Variants in NAV3 observed in about 807,000 individuals in gnomAD.
The protein encoded by NAV3 is pore membrane and/or filament interacting like protein 1.
NAV3 carries 87 observed loss-of-function variants against 244.7 expected under a neutral mutation model. The observed-to-expected ratio is 0.36, with a 90% CI of 0.30 to 0.42. NAV3 has a LOEUF of 0.42. Ranked by LOEUF, NAV3 falls within the 20% of genes least tolerant of loss-of-function variation. The probability of loss-of-function intolerance (pLI) is 1.00; values close to 1 mark genes in which losing one functional copy is unlikely to be tolerated. For missense variants in NAV3, 2,663 were observed against 2,893.3 expected (o/e 0.92, Z 1.83); for synonymous variants, 1,126 against 1,042.2 (o/e 1.08, Z -1.55).
At chr12:78,111,811 TG>T (rs1955106582) in intron 12 of NAV3, among the ~76,000 whole-genome samples, 1 of 152,204 alleles carries the variant, frequency 6.6e-6, no homozygotes, top group Admixed American at 6.5e-5. Flanking sequence ...CTTTAGACAG[TG>T]GTCATCAAAG....
chr12:77,873,549 C>CT (rs1403200890), intron 1 of NAV3, among the ~76,000 whole-genome samples: 2 of 150,410 alleles, frequency 1.3e-5, no homozygotes, highest in Admixed American at 1.3e-4. Context: ...TTATATGTAA[C>CT]TTTTTTTGCA....
At chr12:77,963,814 G>A (rs1305437981) in intron 3 of NAV3, among the ~76,000 whole-genome samples, 1 of 151,824 alleles carries the variant, frequency 6.6e-6, no homozygotes, top group East Asian at 1.9e-4. Context: ...ATCATTTGTT[G>A]TTGTTGTTCT....
intron 2 of NAV3, among the ~76,000 whole-genome samples, chr12:77,717,304 C>G (rs1174357021): frequency 6.6e-6 from 1 of 152,046 alleles, no homozygotes. Flanking sequence ...TGCTAGAAAT[C>G]AGTATTCTAC....
Position 78,197,354 on chromosome 12 carries a change from T to C in NAV3, c.6399T>C (p.Ser2133=), listed in dbSNP as rs1959191545. ...TTGATAATCTTCATCATGTGGGCTC[T>C]CTGAGTGATATCTTCAATGGTTTTC... ...IILDNLHHVG[S]LSDIFNGFLN... The change falls in exon 35 of 40, where the codon TCT becomes TCC. Residue 2133 remains serine (S), a synonymous_variant. Transcript: ENST00000397909. 2.5e-6 allele frequency: 4 copies of C among 1,607,800 alleles called. No homozygotes were observed. Among genetic ancestry groups the C allele is most frequent in the Non-Finnish European group, 3.4e-6 (4 of 1,176,264 alleles).
intron 18 of NAV3, among the ~76,000 whole-genome samples, chr12:78,131,324 T>C (rs568491356): frequency 6.6e-6 from 1 of 152,336 alleles, no homozygotes; most frequent in South Asian, 2.1e-4. Context: ...CAAGTTTTTG[T>C]TTCCTAACCT....
At chr12:77,914,115 ATGTTTAGC>A (rs113078608) in intron 1 of NAV3, among the ~76,000 whole-genome samples, 4 of 152,194 alleles carry the variant, frequency 2.6e-5, no homozygotes, top group African/African-American at 9.6e-5. Flanking sequence ...ATTTCAGCAG[ATGTTTAGC>A]TGGTTAATGC....
At chr12:77,814,673 A>G (rs1872458035) in intron 2 of NAV3, among the ~76,000 whole-genome samples, 1 of 152,108 alleles carries the variant, frequency 6.6e-6, no homozygotes, top group African/African-American at 2.4e-5. Context: ...CCTTAATTAG[A>G]CTGAAATTGC....
intron 9 of NAV3, among the ~76,000 whole-genome samples, chr12:78,026,148 G>A (rs1444853082): frequency 6.6e-6 from 1 of 151,918 alleles, no homozygotes; most frequent in Admixed American, 6.6e-5. Context: ...CTATAAATGT[G>A]ATTTAATATC....
chr12:77,617,322 G>A (rs1322937234), intron 2 of NAV3, among the ~76,000 whole-genome samples: 1 of 152,148 alleles, frequency 6.6e-6, no homozygotes, highest in East Asian at 1.9e-4. Context: ...GCTGACTTGT[G>A]TAATGAATGG....
At chr12:78,055,534 A>G (rs1221696733) in intron 11 of NAV3, among the ~76,000 whole-genome samples, 1 of 151,972 alleles carries the variant, frequency 6.6e-6, no homozygotes, top group Non-Finnish European at 1.5e-5. Context: ...TTCACATAAA[A>G]CCCTCGCTGA....
intron 9 of NAV3, chr12:78,037,119 G>A (rs1398028101): frequency 1.4e-6 from 1 of 703,028 alleles, no homozygotes; most frequent in African/African-American, 1.7e-5. Context: ...CAGCAGCTCA[G>A]CCTGGAACCT....
chr12:78,188,459 T>G (rs75736829), intron 32 of NAV3, 116 bp downstream of exon 32: 28,414 of 1,175,018 alleles, frequency 0.024, 452 homozygotes, highest in Non-Finnish European at 0.03. Context: ...TAAGGAAAGC[T>G]TTCTGTTTGT....
chr12:78,148,827 T>TC lies in NAV3; in HGVS notation c.4708-15_4708-14insC. 6.2e-7 allele frequency: 1 copy of TC among 1,608,182 alleles called. No homozygotes were observed. The highest frequency in any genetic ancestry group is 8.5e-7 in the Non-Finnish European group (1 of 1,177,304). On this transcript the variant is annotated splice_polypyrimidine_tract_variant and intron_variant, in intron 21 of 39. Transcript: ENST00000397909. ...TCTACTTGCCTATTCCATTGATTTT[T>TC]TTAATTGCATTCAGCAAATCCATAA...
At chr12:77,652,878 G>T (rs1370071621) in intron 2 of NAV3, among the ~76,000 whole-genome samples, 2 of 152,214 alleles carry the variant, frequency 1.3e-5, no homozygotes, top group Non-Finnish European at 2.9e-5. Context: ...TGTCTGTGAA[G>T]TGAAAGCAAT....
At chr12:78,155,347 A>G (rs945585993) in intron 22 of NAV3, among the ~76,000 whole-genome samples, 1 of 152,136 alleles carries the variant, frequency 6.6e-6, no homozygotes, top group Non-Finnish European at 1.5e-5. Context: ...TCCAAAGGAC[A>G]TGACCTCATT....
intron 2 of NAV3, among the ~76,000 whole-genome samples, chr12:77,769,028 T>C (rs1207927642): frequency 6.6e-6 from 1 of 152,206 alleles, no homozygotes; most frequent in Non-Finnish European, 1.5e-5. Flanking sequence ...TGAATTGATA[T>C]ATATTTAATC....
chr12:77,803,734 A>G (rs1464641156), intron 2 of NAV3, among the ~76,000 whole-genome samples: 2 of 151,956 alleles, frequency 1.3e-5, no homozygotes, highest in African/African-American at 4.8e-5. Flanking sequence ...ACTAATTTAC[A>G]CTCCCACCAA....
At chr12:77,657,344 C>A (rs2137017898) in intron 2 of NAV3, among the ~76,000 whole-genome samples, 1 of 152,294 alleles carries the variant, frequency 6.6e-6, no homozygotes, top group Middle Eastern at 3.4e-3. Flanking sequence ...CACAAATAAG[C>A]TAGAAAATCT....
At position 78,196,038 on chromosome 12, in the gene NAV3, C is replaced by T. The variant is rs147795024; in HGVS notation, c.6292-1209C>T. On this transcript the variant is annotated intron_variant, in intron 34 of 39. Transcript: ENST00000397909. ...CCAGGGCTTGGTCTAAGGCTATGAA[C>T]GCAGTAGATAGACAGTGCATATTTT... 1.5e-3 allele frequency among the ~76,000 whole-genome samples: 222 copies of T among 152,108 alleles called. 3 individuals carry two copies. The highest frequency in any genetic ancestry group is 0.012 in the East Asian group (64 of 5,178).
Sources: allele counts gnomAD v4.1 joint callset (sites outside exome capture counted in the v4.1 genomes callset), GRCh38; gene constraint gnomAD v4.1.1; transcripts MANE v1.5; gene names NCBI Gene and HGNC (gene_info 2026-07-23, HGNC 2026-07-21).